Variants in PCDHA12 observed in about 807,000 individuals in gnomAD.
The protein encoded by PCDHA12 is protocadherin alpha 12.
A neutral mutation model predicts 60.0 loss-of-function variants in PCDHA12; 44 were observed. That is an observed-to-expected ratio of 0.73 (90% CI 0.58 to 0.94). PCDHA12 has a LOEUF of 0.94. PCDHA12 is among the 40% of genes least tolerant of loss of function. The pLI is 0.00. For synonymous variants in PCDHA12, 569 were observed against 553.0 expected (o/e 1.03, Z -0.40); for missense variants, 1,276 against 1,239.7 (o/e 1.03, Z -0.44).
At chr5:140,971,034 A>G (rs576529050) in intron 1 of PCDHA12, among the ~76,000 whole-genome samples, 1 of 152,202 alleles carries the variant, frequency 6.6e-6, no homozygotes, top group Non-Finnish European at 1.5e-5. Context: ...ATTTGAAAGC[A>G]CGTAAAAGGG....
chr5:140,883,937 G>C, intron 1 of PCDHA12: 3 of 1,613,414 alleles, frequency 1.9e-6, no homozygotes, highest in Non-Finnish European at 2.5e-6. Context: ...GTTCGTGCTG[G>C]ACGAGAACGA....
At chr5:140,990,900 G>C (rs1164287326) in intron 3 of PCDHA12, among the ~76,000 whole-genome samples, 1 of 152,114 alleles carries the variant, frequency 6.6e-6, no homozygotes, top group Non-Finnish European at 1.5e-5. Flanking sequence ...TCGTTGCTGG[G>C]TCAAGTTTTA....
At chr5:140,919,183 A>T (rs2079029188) in intron 1 of PCDHA12, among the ~76,000 whole-genome samples, 1 of 152,104 alleles carries the variant, frequency 6.6e-6, no homozygotes, top group Non-Finnish European at 1.5e-5. Context: ...TATCTTCCTG[A>T]TTGGTCCTTT....
At chr5:140,879,854 C>G (rs2058149387) in intron 1 of PCDHA12, among the ~76,000 whole-genome samples, 1 of 152,200 alleles carries the variant, frequency 6.6e-6, no homozygotes, top group African/African-American at 2.4e-5. Context: ...CCCATCTCAG[C>G]CTTCTCAGCT....
chr5:141,006,931 G>A (rs1268492539), intron 3 of PCDHA12, among the ~76,000 whole-genome samples: 1 of 152,158 alleles, frequency 6.6e-6, no homozygotes, highest in African/African-American at 2.4e-5. Flanking sequence ...ATTTCCAACT[G>A]GGGATACCAG....
intron 1 of PCDHA12, among the ~76,000 whole-genome samples, chr5:140,920,549 G>A (rs957534849): frequency 2.6e-5 from 4 of 152,120 alleles, no homozygotes; most frequent in Non-Finnish European, 5.9e-5. Flanking sequence ...TTTCACCTTC[G>A]AAGTGTGGCC....
In PCDHA12 at chr5:141,011,088, T is replaced by TTCTC. The variant is rs375099849; in HGVS notation, c.*1165_*1168dup. 6.6e-6 allele frequency: 1 copy of TTCTC among 152,032 alleles called. No homozygotes were observed. Among genetic ancestry groups the TTCTC allele is most frequent in the Non-Finnish European group, 1.5e-5 (1 of 67,462 alleles). 9.4% of individuals were successfully genotyped at this position (152,032 alleles called of 1,614,324 possible). A position where few individuals can be genotyped will look rare whatever the true frequency, so the allele number is the denominator to read the frequency against. On this transcript the variant is annotated 3_prime_UTR_variant, in exon 4 of 4. Transcript: ENST00000398631. The stretch of plus-strand genomic sequence containing the variant: ...TATTACTAAATAAAATGATCTCTCT[T>TTCTC]TCTCTCTCTCTCTCTCTTTTCTAAG...
chr5:140,969,201 G>A (rs2096306183), intron 1 of PCDHA12: 2 of 1,614,110 alleles, frequency 1.2e-6, no homozygotes, highest in Non-Finnish European at 1.7e-6. Context: ...TACAATACAG[G>A]GGCCCAGACA....
chr5:140,948,547 A>G (rs1054072354), intron 1 of PCDHA12, among the ~76,000 whole-genome samples: 9 of 151,490 alleles, frequency 5.9e-5, no homozygotes, highest in Admixed American at 5.9e-4. Flanking sequence ...ATGCTCTGTC[A>G]ATTTTGTTAA....
At chr5:140,900,422 C>G (rs1422913254) in intron 1 of PCDHA12, among the ~76,000 whole-genome samples, 1 of 152,142 alleles carries the variant, frequency 6.6e-6, no homozygotes, top group East Asian at 1.9e-4. Context: ...GGATTATAGG[C>G]ACGTGCCACC....
Position 141,000,421 on chromosome 5 carries a change from A to ATTTT in PCDHA12, c.2516-9186_2516-9183dup, listed in dbSNP as rs34755515. ...TATATATATATATATATATATATAT[A>ATTTT]TTTTTTTTTTTTTTTTTTTTTTTGA... On this transcript the variant is annotated intron_variant, in intron 3 of 3. Transcript: ENST00000398631. Among the ~76,000 whole-genome samples the ATTTT allele has an allele frequency of 6.1e-3, 170 of 27,980 alleles. 16 individuals carry two copies. The highest frequency in any genetic ancestry group is 7.4e-3 in the Non-Finnish European group (131 of 17,660). The allele number at this position is 27,980 out of a possible 152,430, so 18.4% of individuals were successfully genotyped here.
intron 1 of PCDHA12, chr5:140,884,293 GC>G: frequency 6.2e-7 from 1 of 1,613,666 alleles, no homozygotes; most frequent in Non-Finnish European, 8.5e-7. Flanking sequence ...GCGGCCAAGC[GC>G]CACAGGCTTC....
intron 3 of PCDHA12, among the ~76,000 whole-genome samples, chr5:140,987,644 T>G (rs1461630900): frequency 6.6e-6 from 1 of 152,220 alleles, no homozygotes; most frequent in Non-Finnish European, 1.5e-5. Context: ...TGCACACATA[T>G]TGCAGAATCT....
intron 3 of PCDHA12, among the ~76,000 whole-genome samples, chr5:140,995,046 A>C (rs193191582): frequency 1.9e-4 from 29 of 152,184 alleles, no homozygotes; most frequent in Non-Finnish European, 3.7e-4. Context: ...CCTTAACTCT[A>C]CTGAATTTTC....
intron 1 of PCDHA12, among the ~76,000 whole-genome samples, chr5:140,900,607 C>T (rs1340239730): frequency 6.6e-6 from 1 of 152,170 alleles, no homozygotes; most frequent in Non-Finnish European, 1.5e-5. Context: ...TGATGATGGA[C>T]ATGTAGATTG....
chr5:140,991,152 C>A (rs533894396), intron 3 of PCDHA12, among the ~76,000 whole-genome samples: 29 of 152,168 alleles, frequency 1.9e-4, no homozygotes, highest in Non-Finnish European at 3.2e-4. Flanking sequence ...TTTTGCTCAC[C>A]ATTGTATTCC....
intron 1 of PCDHA12, chr5:140,968,960 T>C (rs1563384845): frequency 6.2e-7 from 1 of 1,614,212 alleles, no homozygotes; most frequent in South Asian, 1.1e-5. Context: ...CATCAAGTGC[T>C]ACCGCTACAC....
At chr5:140,909,972 T>C (rs948733470) in intron 1 of PCDHA12, among the ~76,000 whole-genome samples, 1 of 152,220 alleles carries the variant, frequency 6.6e-6, no homozygotes. Context: ...TGGGGAAGGA[T>C]GGGAGAAAGA....
chr5:140,934,704 T>C (rs185443398), intron 1 of PCDHA12, among the ~76,000 whole-genome samples: 134 of 152,288 alleles, frequency 8.8e-4, no homozygotes, highest in Non-Finnish European at 1.6e-3. Context: ...TTCCTGGCCA[T>C]CTTACAAAAA....
Sources: allele counts gnomAD v4.1 joint callset (sites outside exome capture counted in the v4.1 genomes callset), GRCh38; gene constraint gnomAD v4.1.1; transcripts MANE v1.5; gene names NCBI Gene and HGNC (gene_info 2026-07-23, HGNC 2026-07-21).